Variants in GRM5 observed in about 807,000 individuals in gnomAD.
The protein encoded by GRM5 is glutamate metabotropic receptor 5, also known as metabotropic glutamate receptor 5.
Under a neutral mutation model 83.1 loss-of-function variants are expected in GRM5, and 19 were observed. That is an observed-to-expected ratio of 0.23 (90% CI 0.16 to 0.34). The LOEUF is 0.34. Ranked by LOEUF, GRM5 falls within the 10% of genes least tolerant of loss-of-function variation. GRM5 has a pLI of 1.00. For synonymous variants in GRM5, 675 were observed against 633.6 expected, an observed-to-expected ratio of 1.07 and a Z score of -0.98; for missense variants, 1,160 against 1,588.3, an observed-to-expected ratio of 0.73 and a Z score of 4.58.
intron 3 of GRM5, among the ~76,000 whole-genome samples, chr11:88,815,947 CT>C (rs1358568613): frequency 2.0e-5 from 3 of 151,790 alleles, no homozygotes; most frequent in Non-Finnish European, 4.4e-5. Flanking sequence ...GGCGCGGTGG[CT>C]CACGCCTGTA....
chr11:88,687,973 C>T (rs554535414), intron 3 of GRM5, among the ~76,000 whole-genome samples: 5 of 152,096 alleles, frequency 3.3e-5, no homozygotes, highest in African/African-American at 1.2e-4. Context: ...TAATTTTAAC[C>T]TTGATTTAAT....
At chr11:89,004,895 C>T (rs1940481395) in intron 2 of GRM5, among the ~76,000 whole-genome samples, 1 of 152,150 alleles carries the variant, frequency 6.6e-6, no homozygotes, top group Non-Finnish European at 1.5e-5. Flanking sequence ...AGACACTGTC[C>T]TTCAAACAGA....
intron 2 of GRM5, among the ~76,000 whole-genome samples, chr11:88,997,322 T>A (rs1384512680): frequency 2.5e-5 from 3 of 120,858 alleles, no homozygotes; most frequent in Non-Finnish European, 4.9e-5. Context: ...AGTGAAACTC[T>A]GTCTCAAAAT....
At chr11:88,599,375 C>G (rs1457093338) in intron 5 of GRM5, among the ~76,000 whole-genome samples, 7 of 152,112 alleles carry the variant, frequency 4.6e-5, no homozygotes, top group Admixed American at 4.6e-4. Context: ...CTTTAGATTT[C>G]TAGTCATTGT....
chr11:88,752,510 G>A (rs1273140215), intron 3 of GRM5, among the ~76,000 whole-genome samples: 1 of 152,158 alleles, frequency 6.6e-6, no homozygotes, highest in Non-Finnish European at 1.5e-5. Flanking sequence ...TCAATATTGT[G>A]AAAATGGCCA....
intron 3 of GRM5, among the ~76,000 whole-genome samples, chr11:88,774,328 A>G (rs558869034): frequency 1.3e-5 from 2 of 152,348 alleles, no homozygotes; most frequent in African/African-American, 4.8e-5. Flanking sequence ...GAAGTTGCTT[A>G]TCAGCTTAAG....
rs1313229861 is a variant in GRM5 at position 88,507,856 on chromosome 11, T to C, written c.*736A>G. 2 of 152,658 alleles carry C rather than the reference T, an allele frequency of 1.3e-5. No homozygotes were observed. The highest frequency in any genetic ancestry group is 6.5e-5 in the Admixed American group (1 of 15,288). The allele number at this position is 152,658 out of a possible 1,614,324, so 9.5% of individuals were successfully genotyped here. A position where few individuals can be genotyped will look rare whatever the true frequency, so the allele number is the denominator to read the frequency against. The stretch of plus-strand genomic sequence containing the variant: ...GTCAAGAAATCTTCCACTGGTTTTC[T>C]TGGTTAATGGAGGTGAATCTGAAAT... On this transcript the variant is annotated 3_prime_UTR_variant, in exon 10 of 10. Coordinates refer to ENST00000305447, the MANE Select transcript of GRM5 (RefSeq NM_001143831.3).
In GRM5 at chr11:88,509,140, A is replaced by G; in HGVS notation, c.3091T>C (p.Ser1031Pro). The G allele has an allele frequency of 6.5e-7, 1 of 1,541,048 alleles. No homozygotes were observed. The highest frequency in any genetic ancestry group is 8.7e-7 in the Non-Finnish European group (1 of 1,144,414). The change falls in exon 10 of 10, where the codon TCG becomes CCG. Residue 1031 changes from serine (S) to proline (P), a missense_variant. By Grantham distance (74) the Ser-to-Pro change is moderately conservative. Around this residue, in one of 9 missense-constraint regions of GRM5, gnomAD observed 562 missense variants for 532.4 expected, o/e 1.06. Transcript: ENST00000305447. ...PISTLSHRAG[S>P]ASRTDDDVPS... Reference sequence around the variant, plus strand: ...ACATCGTCGTCCGTGCGGCTGGCCGAGCCCGCGCGGTGGCTCAGCGTGCTG... The same window carrying G: ...ACATCGTCGTCCGTGCGGCTGGCCGGGCCCGCGCGGTGGCTCAGCGTGCTG...
At chr11:89,059,956 A>G (rs1240739989) in intron 1 of GRM5, among the ~76,000 whole-genome samples, 1 of 152,072 alleles carries the variant, frequency 6.6e-6, no homozygotes, top group East Asian at 1.9e-4. Flanking sequence ...CCCCAATTTG[A>G]AAATAGTGAA....
intron 3 of GRM5, among the ~76,000 whole-genome samples, chr11:88,766,131 C>T (rs903258381): frequency 7.9e-5 from 12 of 151,752 alleles, no homozygotes; most frequent in African/African-American, 2.9e-4. Flanking sequence ...CCATATTGCC[C>T]AAAGCAATTA....
chr11:88,933,024 T>A (rs1207611378), intron 2 of GRM5, among the ~76,000 whole-genome samples: 1 of 151,848 alleles, frequency 6.6e-6, no homozygotes, highest in Non-Finnish European at 1.5e-5. Context: ...TGAGATTCTT[T>A]TAAATCATCT....
At chr11:89,009,808 G>A (rs1245308834) in intron 2 of GRM5, among the ~76,000 whole-genome samples, 1 of 146,304 alleles carries the variant, frequency 6.8e-6, no homozygotes, top group African/African-American at 2.5e-5. Context: ...GGCTGAGGCA[G>A]GAGAATGGCG....
At chr11:88,828,248 G>A (rs138764899) in intron 3 of GRM5, among the ~76,000 whole-genome samples, 1 of 152,062 alleles carries the variant, frequency 6.6e-6, no homozygotes, top group Non-Finnish European at 1.5e-5. Context: ...GTAAATAAAT[G>A]GCAAGTAAAT....
intron 9 of GRM5, among the ~76,000 whole-genome samples, chr11:88,519,114 A>C (rs552962387): frequency 6.6e-6 from 1 of 151,288 alleles, no homozygotes; most frequent in East Asian, 1.9e-4. Flanking sequence ...AGACACATCA[A>C]GGAGGAATGG....
At chr11:88,695,052 C>A (rs1392401192) in intron 3 of GRM5, among the ~76,000 whole-genome samples, 3 of 152,090 alleles carry the variant, frequency 2.0e-5, no homozygotes, top group Non-Finnish European at 4.4e-5. Flanking sequence ...ATAAGTTATG[C>A]ATGTGGGTCA....
chr11:88,845,422 A>ATTTTTTT (rs1565258558), intron 3 of GRM5, among the ~76,000 whole-genome samples: 5 of 81,814 alleles, frequency 6.1e-5, no homozygotes, highest in Non-Finnish European at 9.0e-5. Context: ...TATAAACATA[A>ATTTTTTT]CTTTTTTTTT....
intron 3 of GRM5, among the ~76,000 whole-genome samples, chr11:88,714,720 A>G (rs1163647225): frequency 6.6e-6 from 1 of 151,780 alleles, no homozygotes; most frequent in South Asian, 2.1e-4. Context: ...ATTAGTCTGG[A>G]CTCATGTTTC....
chr11:88,606,330 C>T (rs904464240), intron 4 of GRM5, among the ~76,000 whole-genome samples: 1 of 152,154 alleles, frequency 6.6e-6, no homozygotes, highest in Non-Finnish European at 1.5e-5. Context: ...TAAGAACAGC[C>T]TGGCCAACAA....
At chr11:88,690,921 T>C (rs1401678634) in intron 3 of GRM5, among the ~76,000 whole-genome samples, 1 of 152,224 alleles carries the variant, frequency 6.6e-6, no homozygotes, top group Non-Finnish European at 1.5e-5. Flanking sequence ...GCTCTTTAGA[T>C]GGAACCTAAA....
Sources: allele counts gnomAD v4.1 joint callset (sites outside exome capture counted in the v4.1 genomes callset), GRCh38; gene constraint gnomAD v4.1.1; regional missense constraint gnomAD v4.1.1; transcripts MANE v1.5; gene names NCBI Gene and HGNC (gene_info 2026-07-23, HGNC 2026-07-21).